ZNF563: variants seen among roughly 807,000 people sequenced by gnomAD.
ZNF563 encodes the protein zinc finger protein 563.
In ZNF563, 39 loss-of-function variants were observed where a neutral mutation model predicts 48.5. That is an observed-to-expected ratio of 0.80 (90% CI 0.62 to 1.05). The LOEUF is 1.05. Among genes scored for constraint, ZNF563 ranks in the 50% least tolerant of loss-of-function variants. The pLI, the probability that ZNF563 is intolerant of heterozygous loss-of-function variation, is 0.00. For missense variants in ZNF563, 538 were observed against 597.0 expected, an observed-to-expected ratio of 0.90 and a Z score of 1.03; for synonymous variants, 168 against 187.9, an observed-to-expected ratio of 0.89 and a Z score of 0.87.
Position 12,318,948 on chromosome 19 carries a change from G to A in ZNF563, c.1077C>T (p.His359=). The part of the protein sequence containing the change: ...PSLVRYHERI[H]TGEKPYECKQ... ...TGCATTCATAGGGTTTCTCTCCAGT[G>A]TGAATTCGTTCATGATATCGAACTA... Residue 359 remains histidine (H), a synonymous_variant, in exon 4 of 4, where the codon CAC becomes CAT. Coordinates refer to ENST00000293725, the MANE Select transcript of ZNF563 (RefSeq NM_145276.3). 1 of 1,614,240 alleles carries A rather than the reference G, an allele frequency of 6.2e-7. No homozygotes were observed. Among genetic ancestry groups the A allele is most frequent in the South Asian group, 1.1e-5 (1 of 91,086 alleles).
chr19:12,339,813 A>G, the ZNF563 span, among the ~76,000 whole-genome samples: 9 of 152,214 alleles, frequency 5.9e-5, no homozygotes, highest in African/African-American at 2.2e-4. Context: ...GGATGTAGAC[A>G]TCCAAGAAGC....
rs926692760 is a variant in ZNF563, at chr19:12,333,538, G to T, written c.-56C>A. The stretch of plus-strand genomic sequence containing the variant: ...CCCTCTGCCTCCCGCTGCCAGTGCG[G>T]GTCCCACTGTGACAGAGGCTGCCAC... On this transcript the variant is annotated 5_prime_UTR_variant, in exon 1 of 4. Transcript: ENST00000293725. 3.0e-5 allele frequency: 48 copies of T among 1,610,114 alleles called. No individual in the cohort carries two copies. Among genetic ancestry groups the T allele is most frequent in the Non-Finnish European group, 3.8e-5 (45 of 1,177,928 alleles).
chr19:12,323,235 G>A (rs1270876342), intron 1 of ZNF563, among the ~76,000 whole-genome samples: 1 of 152,190 alleles, frequency 6.6e-6, no homozygotes, highest in African/African-American at 2.4e-5. Context: ...CCTATGTTCT[G>A]AGAGTTTAGA....
chr19:12,336,748 C>A (rs1038798569), upstream of ZNF563, among the ~76,000 whole-genome samples: 1 of 152,178 alleles, frequency 6.6e-6, no homozygotes, highest in African/African-American at 2.4e-5. Context: ...CACTCCCTGA[C>A]CTTCATAGCT....
At chr19:12,336,837 C>A (rs754587436), upstream of ZNF563, among the ~76,000 whole-genome samples, 1 of 152,134 alleles carries the variant, frequency 6.6e-6, no homozygotes, top group Non-Finnish European at 1.5e-5. Context: ...TCAACCCCAG[C>A]CCACACCATT....
At chr19:12,340,101 G>A in the ZNF563 span, among the ~76,000 whole-genome samples, 2 of 152,092 alleles carry the variant, frequency 1.3e-5, no homozygotes, top group Non-Finnish European at 2.9e-5. Context: ...TTGGGAGGCC[G>A]ACATGGGCAG....
At position 12,318,966 on chromosome 19, in the gene ZNF563, T is replaced by C; in HGVS notation, c.1059A>G (p.Arg353=). Residue 353 remains arginine, a synonymous_variant, in exon 4 of 4, where the codon CGA becomes CGG. Coordinates refer to ENST00000293725, the MANE Select transcript of ZNF563 (RefSeq NM_145276.3). ...GKGFDRPSLV[R]YHERIHTGEK... is the part of the protein sequence containing the mutation. Reference sequence around the variant, plus strand: ...CTCCAGTGTGAATTCGTTCATGATATCGAACTAAACTGGGACGATCAAAGC... The same window carrying C: ...CTCCAGTGTGAATTCGTTCATGATACCGAACTAAACTGGGACGATCAAAGC... The C allele has an allele frequency of 1.2e-6, 2 of 1,614,156 alleles. No homozygotes were observed. The highest frequency in any genetic ancestry group is 1.7e-6 in the Non-Finnish European group (2 of 1,180,024).
At chr19:12,329,397 C>T (rs1437025805) in intron 1 of ZNF563, among the ~76,000 whole-genome samples, 2 of 149,424 alleles carry the variant, frequency 1.3e-5, no homozygotes, top group Admixed American at 6.8e-5. Context: ...CACTTGAACC[C>T]GGGAAGCGCA....
In ZNF563 at chr19:12,319,522, C is replaced by A. The variant is rs748634347; in HGVS notation, c.503G>T (p.Arg168Leu). 5 of 1,614,032 alleles carry A rather than the reference C, an allele frequency of 3.1e-6. No individual in the cohort carries two copies. ...TTTTCCACATTCCTTACACTCATAG[C>A]GTTTCTTTCCAGTGTGAGGCCTTCC... is the stretch of plus-strand genomic sequence containing the variant. ...SRGRPHTGKKRYECKECGKTF... is the reference protein window; with the variant it reads ...SRGRPHTGKKLYECKECGKTF... Residue 168 changes from arginine to leucine, a missense_variant, in exon 4 of 4, where the codon CGC (arginine) becomes CTC (leucine). Transcript: ENST00000293725.
chr19:12,346,408 A>C, the ZNF563 span: 1 of 152,224 alleles, frequency 6.6e-6, no homozygotes, highest in South Asian at 2.1e-4. Flanking sequence ...GTACAGAACC[A>C]TTAATTGGCT....
At chr19:12,344,779 T>A in the ZNF563 span, among the ~76,000 whole-genome samples, 1 of 152,188 alleles carries the variant, frequency 6.6e-6, no homozygotes. Flanking sequence ...TAAAATTATC[T>A]GTGTTTACAG....
upstream of ZNF563, among the ~76,000 whole-genome samples, chr19:12,337,275 T>C (rs560547667): frequency 5.7e-4 from 87 of 152,266 alleles, no homozygotes; most frequent in African/African-American, 2.0e-3. Context: ...CCATCATGGC[T>C]CACTGCAGCC....
At chr19:12,328,980 A>G (rs188398205) in intron 1 of ZNF563, among the ~76,000 whole-genome samples, 3 of 152,226 alleles carry the variant, frequency 2.0e-5, no homozygotes, top group Non-Finnish European at 4.4e-5. Context: ...ATTTTAGCAA[A>G]ATCTCTGGAA....
Position 12,318,702 on chromosome 19 carries a change from T to A in ZNF563, c.1323A>T (p.Val441=), listed in dbSNP as rs774682249. The change falls in exon 4 of 4, where the codon GTA becomes GTT. Residue 441 remains valine (V), a synonymous_variant. Transcript: ENST00000293725. The part of the protein sequence containing the change: ...SHSSSFRRHM[V]MHTGDGPNKC... ...TATTCGGCCCATCTCCCGTATGCAT[T>A]ACCATATGTCTTCGAAAGCTTGAGC... is the stretch of plus-strand genomic sequence containing the variant. The A allele has an allele frequency of 4.3e-6, 7 of 1,614,210 alleles. No individual in the cohort carries two copies. The East Asian group carries it at 1.6e-4, about 36-fold the overall frequency.
chr19:12,329,799 C>T (rs1968879702), intron 1 of ZNF563, among the ~76,000 whole-genome samples: 1 of 152,140 alleles, frequency 6.6e-6, no homozygotes, highest in Non-Finnish European at 1.5e-5. Context: ...GAAAAAGGAA[C>T]AGACCAGGAT....
chr19:12,324,323 C>T (rs908091306), intron 1 of ZNF563, among the ~76,000 whole-genome samples: 1 of 152,034 alleles, frequency 6.6e-6, no homozygotes, highest in Non-Finnish European at 1.5e-5. Context: ...TGAGCCACTG[C>T]ATTCTAGCAT....
upstream of ZNF563, among the ~76,000 whole-genome samples, chr19:12,334,163 T>C (rs745497445): frequency 1.4e-4 from 21 of 152,134 alleles, no homozygotes; most frequent in Non-Finnish European, 2.5e-4. Flanking sequence ...ACCTTGCCTC[T>C]CAATCTGCTC....
chr19:12,340,467 G>A, the ZNF563 span, among the ~76,000 whole-genome samples: 1 of 152,072 alleles, frequency 6.6e-6, no homozygotes, highest in Non-Finnish European at 1.5e-5. Context: ...GAGACCCTAT[G>A]TCAAACATAA....
At position 12,333,344 on chromosome 19, in the gene ZNF563, T is replaced by C. The variant is rs7256932; in HGVS notation, c.3+136A>G. The C allele has an allele frequency of 0.011, 13,832 of 1,224,836 alleles. 1,145 individuals carry two copies. In the African/African-American group the frequency reaches 0.18, roughly 16 times the overall value. 75.9% of individuals were successfully genotyped at this position (1,224,836 alleles called of 1,614,324 possible). A position where few individuals can be genotyped will look rare whatever the true frequency, so the allele number is the denominator to read the frequency against. ...ACTCTGTGGCTGAGGGGACCGAGGG[T>C]CGAGCTGCGCCAGGGGGACTCGGGT... On this transcript the variant is annotated intron_variant, in intron 1 of 3. Transcript: ENST00000293725.
Sources: gnomAD v4.1 joint callset for allele counts (sites outside exome capture counted in the v4.1 genomes callset) on GRCh38, gnomAD v4.1.1 for gene constraint, MANE v1.5 for transcripts, NCBI Gene and HGNC (gene_info 2026-07-23, HGNC 2026-07-21) for gene names.